LRP1B: variants seen among roughly 807,000 people sequenced by gnomAD.
LRP1B encodes LDL receptor related protein 1B.
Under a neutral mutation model 556.6 loss-of-function variants are expected in LRP1B, and 217 were observed. That is an observed-to-expected ratio of 0.39 (90% CI 0.35 to 0.44). LRP1B has a LOEUF of 0.44. LRP1B is among the 20% of genes least tolerant of loss of function. The pLI is 1.00. For missense variants in LRP1B, 5,053 were observed against 5,620.8 expected, an observed-to-expected ratio of 0.90 and a Z score of 3.23; for synonymous variants, 2,047 against 1,865.8, an observed-to-expected ratio of 1.10 and a Z score of -2.50.
At chr2:141,446,886 T>C (rs994273757) in intron 3 of LRP1B, among the ~76,000 whole-genome samples, 3 of 152,120 alleles carry the variant, frequency 2.0e-5, no homozygotes, top group Non-Finnish European at 4.4e-5. Context: ...GACAGTTATG[T>C]GTCTTGGGGT....
intron 43 of LRP1B, among the ~76,000 whole-genome samples, chr2:140,550,505 G>A (rs1178181875): frequency 6.6e-6 from 1 of 152,126 alleles, no homozygotes; most frequent in Non-Finnish European, 1.5e-5. Flanking sequence ...AAAATGACAA[G>A]AGAGTTCTTT....
chr2:140,335,560 T>C, intron 78 of LRP1B, 55 bp downstream of exon 78: 2 of 1,068,798 alleles, frequency 1.9e-6, no homozygotes, highest in Admixed American at 1.7e-5. Context: ...TAGAGCATAA[T>C]TTCTAAAAAG....
intron 2 of LRP1B, among the ~76,000 whole-genome samples, chr2:141,805,960 G>A (rs565046563): frequency 1.1e-3 from 172 of 152,130 alleles, no homozygotes; most frequent in Middle Eastern, 6.8e-3. Flanking sequence ...CATGATCTGT[G>A]ACTGAAGAAC....
intron 2 of LRP1B, among the ~76,000 whole-genome samples, chr2:141,632,523 T>C (rs958963167): frequency 2.0e-5 from 3 of 152,218 alleles, no homozygotes; most frequent in Non-Finnish European, 4.4e-5. Context: ...GTCAGTGCTA[T>C]ACTATTCTAT....
chr2:141,093,884 T>C (rs1214481100), intron 7 of LRP1B, among the ~76,000 whole-genome samples: 1 of 152,016 alleles, frequency 6.6e-6, no homozygotes, highest in Non-Finnish European at 1.5e-5. Context: ...CTGGCTAATT[T>C]TTTTGTATTT....
At chr2:141,239,251 G>T (rs565516846) in intron 5 of LRP1B, among the ~76,000 whole-genome samples, 1 of 152,086 alleles carries the variant, frequency 6.6e-6, no homozygotes, top group African/African-American at 2.4e-5. Context: ...GCTTAAGACC[G>T]ATAGTCAACT....
chr2:141,900,924 G>A (rs139827636), intron 1 of LRP1B, among the ~76,000 whole-genome samples: 83 of 152,044 alleles, frequency 5.5e-4, no homozygotes, highest in African/African-American at 2.0e-3. Flanking sequence ...GGTAGATTGA[G>A]GTGAGAAAAG....
chr2:140,393,020 C>G (rs1558851053), intron 66 of LRP1B, among the ~76,000 whole-genome samples: 2 of 151,944 alleles, frequency 1.3e-5, no homozygotes, highest in African/African-American at 4.8e-5. Flanking sequence ...ACCTCGACCT[C>G]CTGGACTCAA....
chr2:140,526,122 C>T (rs2104969000), intron 48 of LRP1B, 115 bp downstream of exon 48: 1 of 1,338,852 alleles, frequency 7.5e-7, no homozygotes, highest in South Asian at 1.3e-5. Context: ...TCCCACACAA[C>T]AGGGGTTAAT....
intron 1 of LRP1B, among the ~76,000 whole-genome samples, chr2:142,077,209 AT>A (rs1705534275): frequency 6.6e-6 from 1 of 152,066 alleles, no homozygotes; most frequent in Admixed American, 6.6e-5. Flanking sequence ...CACGGGAGGG[AT>A]TATTTGAAAT....
intron 1 of LRP1B, among the ~76,000 whole-genome samples, chr2:141,904,094 G>C (rs969046852): frequency 3.3e-5 from 5 of 151,896 alleles, no homozygotes; most frequent in African/African-American, 1.2e-4. Context: ...TTTATGCCAA[G>C]TGAAATAAAA....
intron 35 of LRP1B, among the ~76,000 whole-genome samples, chr2:140,744,929 C>G (rs1194586157): frequency 6.6e-6 from 1 of 152,126 alleles, no homozygotes; most frequent in East Asian, 1.9e-4. Context: ...TAGGTGCTCA[C>G]TATTGTTGAA....
chr2:140,266,672 A>G (rs988650222), intron 86 of LRP1B, among the ~76,000 whole-genome samples: 1 of 151,854 alleles, frequency 6.6e-6, no homozygotes, highest in Non-Finnish European at 1.5e-5. Flanking sequence ...CCTCTTTTGA[A>G]AAAAGATGTT....
chr2:141,266,013 G>C (rs770173185), intron 3 of LRP1B, among the ~76,000 whole-genome samples: 1 of 152,114 alleles, frequency 6.6e-6, no homozygotes, highest in Non-Finnish European at 1.5e-5. Context: ...CATAACTTCT[G>C]TGTCAGGGAG....
intron 41 of LRP1B, among the ~76,000 whole-genome samples, chr2:140,639,289 C>A (rs1684187957): frequency 6.6e-6 from 1 of 152,130 alleles, no homozygotes; most frequent in African/African-American, 2.4e-5. Flanking sequence ...ATTAAAAAAA[C>A]TAATCATCTT....
At chr2:141,492,091 A>AAAACAAAAAAC (rs67960557) in intron 2 of LRP1B, among the ~76,000 whole-genome samples, 8 of 100,194 alleles carry the variant, frequency 8.0e-5, no homozygotes, top group Non-Finnish European at 1.3e-4. Context: ...AAAAAAAAAA[A>AAAACAAAAAAC]CACTAAGAAA....
chr2:142,026,645 A>C (rs371606426), intron 1 of LRP1B, among the ~76,000 whole-genome samples: 1 of 152,076 alleles, frequency 6.6e-6, no homozygotes, highest in East Asian at 1.9e-4. Context: ...TGCTACGGCC[A>C]AACAAATAAA....
chr2:140,731,761 C>A (rs13019699), intron 35 of LRP1B, among the ~76,000 whole-genome samples: 1 of 104,476 alleles, frequency 9.6e-6, no homozygotes, highest in Non-Finnish European at 1.8e-5. Flanking sequence ...AGTGAGACTC[C>A]GTCAAAAAAA....
At chr2:141,694,978 G>A (rs1691681581) in intron 2 of LRP1B, among the ~76,000 whole-genome samples, 1 of 151,866 alleles carries the variant, frequency 6.6e-6, no homozygotes, top group Non-Finnish European at 1.5e-5. Context: ...GAATAAGCAA[G>A]GTAACATTCC....
Sources: allele counts gnomAD v4.1 joint callset (sites outside exome capture counted in the v4.1 genomes callset), GRCh38; gene constraint gnomAD v4.1.1; transcripts MANE v1.5; gene names NCBI Gene and HGNC (gene_info 2026-07-23, HGNC 2026-07-21).